DOCK8: variants seen among roughly 807,000 people sequenced by gnomAD.
DOCK8 encodes dedicator of cytokinesis protein 8.
DOCK8 carries 141 observed loss-of-function variants against 245.6 expected under a neutral mutation model. The observed-to-expected ratio is 0.57, with a 90% CI of 0.50 to 0.66. DOCK8 has a LOEUF of 0.66. Among genes scored for constraint, DOCK8 ranks in the 30% least tolerant of loss-of-function variants. The pLI, the probability that DOCK8 is intolerant of heterozygous loss-of-function variation, is 0.00. For missense variants in DOCK8, 2,965 were observed against 2,603.4 expected, an observed-to-expected ratio of 1.14 and a Z score of -3.02; for synonymous variants, 1,168 against 970.2, an observed-to-expected ratio of 1.20 and a Z score of -3.79.
intron 46 of DOCK8, among the ~76,000 whole-genome samples, chr9:461,369 A>G (rs911584728): frequency 4.0e-5 from 6 of 151,726 alleles, no homozygotes; most frequent in African/African-American, 1.5e-4. Flanking sequence ...TCTTCCTTAT[A>G]TCTCTATGTT....
chr9:317,683 T>C (rs1041167103), intron 7 of DOCK8, among the ~76,000 whole-genome samples: 2 of 152,196 alleles, frequency 1.3e-5, no homozygotes, highest in Non-Finnish European at 2.9e-5. Context: ...TAGGGAGTGG[T>C]GAGGACTGTA....
At chr9:333,963 G>A (rs756596291) in intron 10 of DOCK8, among the ~76,000 whole-genome samples, 5 of 152,188 alleles carry the variant, frequency 3.3e-5, no homozygotes, top group South Asian at 4.1e-4. Flanking sequence ...TTTTGTTTTC[G>A]TTAGCTAAAA....
At chr9:390,361 T>C (rs2054136233) in intron 23 of DOCK8, 110 bp from the exon 24 acceptor site, 3 of 997,404 alleles carry the variant, frequency 3.0e-6, no homozygotes, top group Admixed American at 2.0e-5. Context: ...GACACATGCT[T>C]CAGGAACGAA....
intron 1 of DOCK8, chr9:215,537 A>C: frequency 8.2e-7 from 1 of 1,222,154 alleles, no homozygotes; most frequent in Non-Finnish European, 1.1e-6. Flanking sequence ...ATTATTCCAG[A>C]AAGAGCTTGG....
At chr9:418,347 C>G in intron 30 of DOCK8, 140 bp downstream of exon 30, 1 of 1,169,818 alleles carries the variant, frequency 8.5e-7, no homozygotes, top group Non-Finnish European at 1.3e-6. Flanking sequence ...TCTCAGTTCA[C>G]TGCAACCTCC....
chr9:278,027 A>G (rs1317178507), intron 2 of DOCK8, among the ~76,000 whole-genome samples: 4 of 152,206 alleles, frequency 2.6e-5, no homozygotes, highest in African/African-American at 4.8e-5. Context: ...GGGTTGGGCT[A>G]TTCTTAGGTT....
Position 446,391 on chromosome 9 carries a change from G to T in DOCK8, c.5602G>T (p.Val1868Leu). 1 of 1,614,192 alleles carries T rather than the reference G, an allele frequency of 6.2e-7. No individual in the cohort carries two copies. The stretch of plus-strand genomic sequence containing the variant: ...TTAGGCCTACATACAGATCACTTTT[G>T]TGGAGCCCTACTTTGATGAGTATGA... ...PNKAYIQITF[V>L]EPYFDEYEMK... The change falls in exon 44 of 48, where the codon GTG becomes TTG. Residue 1868 changes from valine (V) to leucine (L), a missense_variant. Val to Leu is a conservative substitution (Grantham distance 32). Coordinates refer to ENST00000432829, the MANE Select transcript of DOCK8 (RefSeq NM_203447.4).
chr9:342,756 C>T lies in DOCK8; in HGVS notation c.1679+2435C>T, dbSNP rs183758342. 1.4e-4 allele frequency among the ~76,000 whole-genome samples: 22 copies of T among 152,270 alleles called. No homozygotes were observed. The East Asian group carries it at 2.7e-3, about 19-fold the overall frequency. On this transcript the variant is annotated intron_variant, in intron 14 of 47. Transcript: ENST00000432829. ...GTGCTGGGATTACAGGTGTGAGCCA[C>T]CATGCCCATCCTGTTATTCCTTTTA... is the stretch of plus-strand genomic sequence containing the variant.
rs764924630 is a variant in DOCK8, at chr9:446,360, TC to T, written c.5581-5del. On this transcript the variant is annotated splice_polypyrimidine_tract_variant and intron_variant, in intron 43 of 47. Coordinates refer to ENST00000432829, the MANE Select transcript of DOCK8 (RefSeq NM_203447.4). Reference sequence around the variant, plus strand: ...GCTCATCTTCTCCCTCCGTGCCTTTTCCCCCTTAGGCCTACATACAGATCAC... The same window carrying T: ...GCTCATCTTCTCCCTCCGTGCCTTTTCCCCTTAGGCCTACATACAGATCAC... 3.7e-6 allele frequency: 6 copies of T among 1,611,578 alleles called. No homozygotes were observed. In the South Asian group the frequency reaches 5.5e-5, roughly 15 times the overall value.
intron 7 of DOCK8, among the ~76,000 whole-genome samples, chr9:324,813 G>A (rs1436823561): frequency 3.9e-5 from 6 of 152,156 alleles, no homozygotes; most frequent in Admixed American, 6.5e-5. Flanking sequence ...GAATAATACA[G>A]ATTCTATCCT....
At chr9:378,697 C>T (rs548470330) in intron 20 of DOCK8, among the ~76,000 whole-genome samples, 3 of 152,370 alleles carry the variant, frequency 2.0e-5, no homozygotes, top group South Asian at 4.1e-4. Flanking sequence ...TTTTGAGCAG[C>T]TTCTCCATAG....
rs1563865240 is a variant in DOCK8 at position 277,471 on chromosome 9, GA to G, written c.156+5744del. Among the ~76,000 whole-genome samples the G allele has an allele frequency of 2.1e-4, 31 of 144,718 alleles. 1 individual carries two copies. Among genetic ancestry groups the G allele is most frequent in the African/African-American group, 7.9e-4 (28 of 35,660 alleles). The allele number at this position is 144,718 out of a possible 152,430, so 94.9% of individuals were successfully genotyped here. ...GAGAAGAGAAAGAGAGAAGAGAAGAGAAGAGAAGAGAAGAGAAGACATACAA... is the reference window on the plus strand; with the variant it reads ...GAGAAGAGAAAGAGAGAAGAGAAGAGAGAGAAGAGAAGAGAAGACATACAA... On this transcript the variant is annotated intron_variant, in intron 2 of 47. Transcript: ENST00000432829.
chr9:403,917 C>T (rs199979113), intron 26 of DOCK8, among the ~76,000 whole-genome samples: 1,058 of 64,124 alleles, frequency 0.016, 1 homozygote, highest in African/African-American at 0.023. Context: ...TATATATATA[C>T]ATATATATAT....
intron 14 of DOCK8, among the ~76,000 whole-genome samples, chr9:343,217 T>G (rs2051696567): frequency 6.6e-6 from 1 of 152,046 alleles, no homozygotes; most frequent in African/African-American, 2.4e-5. Flanking sequence ...TACAGCGAGG[T>G]GGCCAGACAC....
rs2057872780 is a variant in DOCK8 at position 463,544 on chromosome 9, GCGTCTCAT to G, written c.6098_6105del (p.Arg2033HisfsTer16). 6.2e-7 allele frequency: 1 copy of G among 1,614,094 alleles called. No individual in the cohort carries two copies. Among genetic ancestry groups the G allele is most frequent in the African/African-American group, 1.3e-5 (1 of 74,918 alleles). On this transcript the variant is annotated frameshift_variant, in exon 47 of 48. Coordinates refer to ENST00000432829, the MANE Select transcript of DOCK8 (RefSeq NM_203447.4). LOFTEE classifies it high-confidence loss of function. ...GTGGTGAAGCTGTAGAGAAAAACAA[GCGTCTCAT>G]CACGGCAGACCAGAGGGAATATCAG...
chr9:424,743 T>A (rs2056417874), intron 33 of DOCK8, among the ~76,000 whole-genome samples: 2 of 152,210 alleles, frequency 1.3e-5, no homozygotes, highest in South Asian at 4.1e-4. Flanking sequence ...CAGATTAGTG[T>A]TAGTGATGGT....
chr9:328,806 C>T (rs181439772), intron 9 of DOCK8, among the ~76,000 whole-genome samples: 1 of 151,972 alleles, frequency 6.6e-6, no homozygotes, highest in Admixed American at 6.6e-5. Flanking sequence ...GTAGAAGAGC[C>T]TTTCATTCTA....
chr9:422,984 CAAAAAAA>C (rs56034723), intron 33 of DOCK8, among the ~76,000 whole-genome samples: 2 of 102,838 alleles, frequency 1.9e-5, no homozygotes, highest in Non-Finnish European at 1.9e-5. Context: ...GACTCCATCT[CAAAAAAA>C]AAAAAAAAAA....
intron 27 of DOCK8, among the ~76,000 whole-genome samples, chr9:406,284 G>A (rs2055412318): frequency 6.6e-6 from 1 of 152,040 alleles, no homozygotes; most frequent in Non-Finnish European, 1.5e-5. Context: ...ACTTGAGGCA[G>A]GAGTTACCAG....
Sources: gnomAD v4.1 joint callset for allele counts (sites outside exome capture counted in the v4.1 genomes callset) on GRCh38, gnomAD v4.1.1 for gene constraint, MANE v1.5 for transcripts, NCBI Gene and HGNC (gene_info 2026-07-23, HGNC 2026-07-21) for gene names.